Variants in SESTD1 observed in about 807,000 individuals in gnomAD.
SESTD1 encodes SEC14 and spectrin domain containing 1.
A neutral mutation model predicts 101.7 loss-of-function variants in SESTD1; 43 were observed. That is an observed-to-expected ratio of 0.42 (90% CI 0.33 to 0.55). SESTD1 has a LOEUF of 0.55. Ranked by LOEUF, SESTD1 falls within the 20% of genes least tolerant of loss-of-function variation. The pLI is 0.07. For missense variants in SESTD1, 647 were observed against 815.1 expected, an observed-to-expected ratio of 0.79 and a Z score of 2.51; for synonymous variants, 283 against 286.8, an observed-to-expected ratio of 0.99 and a Z score of 0.13.
chr2:179,236,481 A>G lies in SESTD1; in HGVS notation c.-26+28018T>C, dbSNP rs552346521. Among the ~76,000 whole-genome samples the G allele has an allele frequency of 3.3e-5, 5 of 152,252 alleles. No homozygotes were observed. In the East Asian group the frequency reaches 7.7e-4, roughly 24 times the overall value. ...CACTGCACTCTAACCCGGGCAACAC[A>G]GAGAGATCCTGTATCTAAAAAGTAA... On this transcript the variant is annotated intron_variant, in intron 1 of 17. Coordinates refer to ENST00000428443, the MANE Select transcript of SESTD1 (RefSeq NM_178123.5).
chr2:179,128,727 C>G (rs1229143564), intron 10 of SESTD1, among the ~76,000 whole-genome samples: 1 of 73,704 alleles, frequency 1.4e-5, no homozygotes, highest in Non-Finnish European at 2.7e-5. Context: ...GACACTGTCT[C>G]AAAAAAAAAA....
chr2:179,211,583 CT>C (rs1482275288), intron 1 of SESTD1, among the ~76,000 whole-genome samples: 1 of 133,636 alleles, frequency 7.5e-6, no homozygotes, highest in African/African-American at 3.0e-5. Context: ...TACTACCCTA[CT>C]AAACAAATGG....
chr2:179,217,520 C>T (rs1202991749), intron 1 of SESTD1, among the ~76,000 whole-genome samples: 1 of 152,234 alleles, frequency 6.6e-6, no homozygotes, highest in African/African-American at 2.4e-5. Flanking sequence ...CTGTTTTACA[C>T]TGTTGGTGGG....
At chr2:179,185,402 T>C (rs2046195036) in intron 2 of SESTD1, among the ~76,000 whole-genome samples, 1 of 145,664 alleles carries the variant, frequency 6.9e-6, no homozygotes, top group Admixed American at 7.0e-5. Context: ...ATATATAGTA[T>C]ATGTAATGTA....
In SESTD1 at chr2:179,161,489, T is replaced by C. The variant is rs928225429; in HGVS notation, c.370-10098A>G. Among the ~76,000 whole-genome samples the C allele has an allele frequency of 7.9e-5, 12 of 152,112 alleles. 1 individual carries two copies. Among genetic ancestry groups the C allele is most frequent in the African/African-American group, 2.9e-4 (12 of 41,528 alleles). On this transcript the variant is annotated intron_variant, in intron 5 of 17. Transcript: ENST00000428443. Reference sequence around the variant, plus strand: ...CATCCTGGCCAACATGGTGAAACCCTGTCTCTACTAAAAATGCAAAAATGT... The same window carrying C: ...CATCCTGGCCAACATGGTGAAACCCCGTCTCTACTAAAAATGCAAAAATGT...
intron 5 of SESTD1, among the ~76,000 whole-genome samples, chr2:179,171,444 T>C (rs1333452561): frequency 6.6e-6 from 1 of 152,202 alleles, no homozygotes; most frequent in African/African-American, 2.4e-5. Flanking sequence ...ACTGTAAGCA[T>C]TCCAAGGGCC....
Position 179,217,832 on chromosome 2 carries a change from A to C in SESTD1, c.-25-25966T>G, listed in dbSNP as rs557111365. On this transcript the variant is annotated intron_variant, in intron 1 of 17. Coordinates refer to ENST00000428443, the MANE Select transcript of SESTD1 (RefSeq NM_178123.5). Reference sequence around the variant, plus strand: ...AGGATGAGTTCATGTCCTTTGCAGAAACATGGATGAAGCTGGAAACCATCA... The same window carrying C: ...AGGATGAGTTCATGTCCTTTGCAGACACATGGATGAAGCTGGAAACCATCA... 2.0e-3 allele frequency among the ~76,000 whole-genome samples: 309 copies of C among 152,296 alleles called. 1 individual carries two copies. Among genetic ancestry groups the C allele is most frequent in the African/African-American group, 6.9e-3 (287 of 41,562 alleles).
chr2:179,171,326 T>C (rs1344326021), intron 5 of SESTD1, among the ~76,000 whole-genome samples: 1 of 152,212 alleles, frequency 6.6e-6, no homozygotes, highest in African/African-American at 2.4e-5. Flanking sequence ...CTATCCAATA[T>C]ACATTAACAA....
At chr2:179,143,918 C>T (rs1393360016) in intron 8 of SESTD1, 115 bp from the exon 9 acceptor site, 1 of 1,039,464 alleles carries the variant, frequency 9.6e-7, no homozygotes, top group Non-Finnish European at 1.4e-6. Flanking sequence ...ACATATCTAC[C>T]AGGTTATAAA....
At chr2:179,149,571 C>T (rs2045474443) in intron 6 of SESTD1, among the ~76,000 whole-genome samples, 177 bp from the exon 7 acceptor site, 1 of 152,040 alleles carries the variant, frequency 6.6e-6, no homozygotes, top group South Asian at 2.1e-4. Flanking sequence ...AAAACTGTTT[C>T]CTAAAGCAAT....
chr2:179,144,024 C>CAGA (rs1214148343), intron 8 of SESTD1, among the ~76,000 whole-genome samples: 2 of 151,740 alleles, frequency 1.3e-5, no homozygotes, highest in Non-Finnish European at 2.9e-5. Flanking sequence ...ATTATGTAAA[C>CAGA]TAGATAGTAT....
intron 3 of SESTD1, among the ~76,000 whole-genome samples, chr2:179,178,797 G>A (rs1412711873): frequency 1.3e-5 from 2 of 152,070 alleles, no homozygotes; most frequent in Non-Finnish European, 2.9e-5. Flanking sequence ...TCTCAACACT[G>A]GCATCTGTAT....
chr2:179,146,293 G>T, intron 8 of SESTD1, 109 bp downstream of exon 8: 1 of 1,028,504 alleles, frequency 9.7e-7, no homozygotes, highest in Non-Finnish European at 1.4e-6. Flanking sequence ...ATTTCCCCTT[G>T]AGTTCCTTCC....
intron 1 of SESTD1, among the ~76,000 whole-genome samples, chr2:179,250,036 A>C (rs2047292747): frequency 6.6e-6 from 1 of 152,198 alleles, no homozygotes; most frequent in Non-Finnish European, 1.5e-5. Flanking sequence ...TTTCATCAAA[A>C]TTAAAAATAT....
intron 5 of SESTD1, among the ~76,000 whole-genome samples, chr2:179,155,557 A>C (rs1291984211): frequency 6.6e-6 from 1 of 151,996 alleles, no homozygotes; most frequent in Non-Finnish European, 1.5e-5. Context: ...TCGAGACTGC[A>C]GTGAGCTATG....
intron 1 of SESTD1, among the ~76,000 whole-genome samples, chr2:179,216,552 T>C (rs1286049570): frequency 7.4e-6 from 1 of 135,310 alleles, no homozygotes; most frequent in African/African-American, 2.9e-5. Flanking sequence ...ATGGCCATAC[T>C]GCCCAAGGTT....
At chr2:179,156,486 G>A (rs1354286402) in intron 5 of SESTD1, among the ~76,000 whole-genome samples, 7 of 152,010 alleles carry the variant, frequency 4.6e-5, no homozygotes, top group South Asian at 2.1e-4. Context: ...CGGCATTCAC[G>A]CCAACATCTG....
intron 2 of SESTD1, among the ~76,000 whole-genome samples, chr2:179,190,509 G>A (rs1248175074): frequency 1.3e-5 from 2 of 152,006 alleles, no homozygotes; most frequent in African/African-American, 4.8e-5. Flanking sequence ...GTCCTCAAAA[G>A]TAACTGCAAC....
intron 5 of SESTD1, among the ~76,000 whole-genome samples, chr2:179,166,892 C>T (rs918854731): frequency 6.6e-6 from 1 of 152,220 alleles, no homozygotes; most frequent in African/African-American, 2.4e-5. Flanking sequence ...CTCAACCCTT[C>T]TCTTATGCTA....
Sources: allele counts gnomAD v4.1 joint callset (sites outside exome capture counted in the v4.1 genomes callset), GRCh38; gene constraint gnomAD v4.1.1; transcripts MANE v1.5; gene names NCBI Gene and HGNC (gene_info 2026-07-23, HGNC 2026-07-21).